TTC39B: variants seen among roughly 807,000 people sequenced by gnomAD.
TTC39B encodes tetratricopeptide repeat domain 39B.
TTC39B carries 92 observed loss-of-function variants against 96.6 expected under a neutral mutation model. That is an observed-to-expected ratio of 0.95 (90% CI 0.80 to 1.13). The LOEUF is 1.13. TTC39B is among the 50% of genes most tolerant of loss of function. TTC39B has a pLI of 0.00. For synonymous variants in TTC39B, 367 were observed against 299.4 expected (o/e 1.23, Z -2.33); for missense variants, 955 against 809.3 (o/e 1.18, Z -2.18).
exon 20 of TTC39B, chr9:15,171,905 A>G (rs751891156): frequency 4.2e-6 from 3 of 722,296 alleles, no homozygotes; most frequent in South Asian, 2.8e-5. Context: ...ATTGACCAAA[A>G]AAACTGTTTT....
At chr9:15,222,444 A>G (rs1308844106) in intron 3 of TTC39B, among the ~76,000 whole-genome samples, 3 of 152,186 alleles carry the variant, frequency 2.0e-5, no homozygotes. Flanking sequence ...TGTACTCATT[A>G]AACAACTCCC....
chr9:15,214,315 AGTGTGTGT>A (rs199807096), intron 3 of TTC39B, 66 bp from the exon 4 acceptor site: 86 of 732,838 alleles, frequency 1.2e-4, no homozygotes, highest in Middle Eastern at 2.9e-4. Context: ...GTCCGAAGGG[AGTGTGTGT>A]GTGTGTGTGT....
intron 17 of TTC39B, among the ~76,000 whole-genome samples, chr9:15,179,125 GGAACCATATTACGTGT>G (rs1206442419): frequency 5.9e-5 from 9 of 152,140 alleles, no homozygotes; most frequent in Admixed American, 4.6e-4. Flanking sequence ...TTAAACAGAA[GGAACCATATTACGTGT>G]GACATCTATC....
At chr9:15,293,120 C>T (rs1824247608) in intron 1 of TTC39B, among the ~76,000 whole-genome samples, 1 of 152,078 alleles carries the variant, frequency 6.6e-6, no homozygotes, top group Non-Finnish European at 1.5e-5. Flanking sequence ...TTTACTGTGC[C>T]TTTTCTATGT....
intron 1 of TTC39B, among the ~76,000 whole-genome samples, chr9:15,280,333 G>A (rs115991587): frequency 0.018 from 2,745 of 152,252 alleles, 94 homozygotes; most frequent in African/African-American, 0.062. Context: ...AAATATTTAC[G>A]CTGTCCCTTT....
intron 1 of TTC39B, among the ~76,000 whole-genome samples, chr9:15,277,829 A>C (rs1823604080): frequency 6.6e-6 from 1 of 152,248 alleles, no homozygotes; most frequent in African/African-American, 2.4e-5. Flanking sequence ...CAAATGGAGC[A>C]CTGAGGTTTT....
At chr9:15,267,223 A>C (rs1320171836) in intron 2 of TTC39B, among the ~76,000 whole-genome samples, 1 of 152,254 alleles carries the variant, frequency 6.6e-6, no homozygotes, top group East Asian at 1.9e-4. Flanking sequence ...TCTAGCCTCC[A>C]AAATTGTGAG....
chr9:15,258,734 A>G (rs1822843082), intron 2 of TTC39B, among the ~76,000 whole-genome samples: 1 of 152,158 alleles, frequency 6.6e-6, no homozygotes, highest in South Asian at 2.1e-4. Flanking sequence ...TTCACTGGTC[A>G]TTCACTTTGC....
rs199807096 is a variant in TTC39B, at chr9:15,214,315, A to AGTGTGT, written c.372-72_372-67dup. ...TACGATCAGCAAGTTGTCCGAAGGG[A>AGTGTGT]GTGTGTGTGTGTGTGTGTGTGTGTG... On this transcript the variant is annotated intron_variant, in intron 3 of 19. Transcript: ENST00000512701. 9.1e-3 allele frequency: 6,620 copies of AGTGTGT among 731,084 alleles called. 45 individuals are homozygous for AGTGTGT. Among genetic ancestry groups the AGTGTGT allele is most frequent in the African/African-American group, 0.042 (1,963 of 46,214 alleles). 45.3% of individuals were successfully genotyped at this position (731,084 alleles called of 1,614,324 possible).
At chr9:15,228,324 C>T (rs375765514) in intron 2 of TTC39B, among the ~76,000 whole-genome samples, 12 of 152,000 alleles carry the variant, frequency 7.9e-5, no homozygotes, top group African/African-American at 2.9e-4. Flanking sequence ...ATTAGCCAGG[C>T]GTGGTGGTGG....
intron 3 of TTC39B, among the ~76,000 whole-genome samples, chr9:15,224,911 C>G (rs1408927696): frequency 1.3e-5 from 2 of 152,154 alleles, no homozygotes; most frequent in Non-Finnish European, 2.9e-5. Context: ...AACTACCAAA[C>G]CCATGAGTAT....
chr9:15,263,126 C>A (rs996455328), intron 2 of TTC39B, among the ~76,000 whole-genome samples: 3 of 152,178 alleles, frequency 2.0e-5, no homozygotes, highest in African/African-American at 4.8e-5. Flanking sequence ...AACTGCAGAA[C>A]TGGGGACTTC....
chr9:15,182,512 T>C (rs1355359523), intron 16 of TTC39B, 97 bp from the exon 17 acceptor site: 7 of 786,950 alleles, frequency 8.9e-6, no homozygotes, highest in East Asian at 2.7e-5. Flanking sequence ...CTTCGGTTTC[T>C]AGGAACCTCA....
At position 15,214,315 on chromosome 9, in the gene TTC39B, A is replaced by AGTGTGTGTGT. The variant is rs199807096; in HGVS notation, c.372-76_372-67dup. 1,074 of 732,508 alleles carry AGTGTGTGTGT rather than the reference A, an allele frequency of 1.5e-3. 2 individuals are homozygous for AGTGTGTGTGT. Among genetic ancestry groups the AGTGTGTGTGT allele is most frequent in the African/African-American group, 6.8e-3 (313 of 46,360 alleles). 45.4% of individuals were successfully genotyped at this position (732,508 alleles called of 1,614,324 possible). A position where few individuals can be genotyped will look rare whatever the true frequency, so the allele number is the denominator to read the frequency against. ...TACGATCAGCAAGTTGTCCGAAGGG[A>AGTGTGTGTGT]GTGTGTGTGTGTGTGTGTGTGTGTG... On this transcript the variant is annotated intron_variant, in intron 3 of 19. Coordinates refer to ENST00000512701, the Ensembl canonical transcript of TTC39B.
chr9:15,262,501 A>G (rs1822982378), intron 2 of TTC39B, among the ~76,000 whole-genome samples: 1 of 152,174 alleles, frequency 6.6e-6, no homozygotes. Context: ...TGTATGACCT[A>G]CCAGTTTTAT....
At chr9:15,171,883 A>G (rs1246945680) in exon 20 of TTC39B, 1 of 516,932 alleles carries the variant, frequency 1.9e-6, no homozygotes, top group Non-Finnish European at 3.3e-6. Flanking sequence ...AATCTCTCAG[A>G]TGATAGAAAA....
chr9:15,209,877 A>G (rs1403009963), intron 6 of TTC39B, among the ~76,000 whole-genome samples: 1 of 152,100 alleles, frequency 6.6e-6, no homozygotes, highest in Non-Finnish European at 1.5e-5. Context: ...AACAACAAAA[A>G]CCTTATGTGT....
intron 2 of TTC39B, among the ~76,000 whole-genome samples, chr9:15,238,563 C>T (rs931804761): frequency 4.6e-5 from 7 of 152,302 alleles, no homozygotes; most frequent in East Asian, 3.9e-4. Flanking sequence ...CCTTGGAATA[C>T]ATTTAACCAA....
At chr9:15,270,615 G>GAA (rs532561275) in intron 1 of TTC39B, among the ~76,000 whole-genome samples, 12 of 120,134 alleles carry the variant, frequency 1.0e-4, no homozygotes, top group East Asian at 7.5e-4. Flanking sequence ...ATCAAAAAAA[G>GAA]AAAAAAAAAA....
Sources: gnomAD v4.1 joint callset for allele counts (sites outside exome capture counted in the v4.1 genomes callset) on GRCh38, gnomAD v4.1.1 for gene constraint, MANE v1.5 for transcripts, NCBI Gene and HGNC (gene_info 2026-07-23, HGNC 2026-07-21) for gene names.